PTGR1: variants seen among roughly 807,000 people sequenced by gnomAD.
PTGR1 encodes 15-oxoprostaglandin 13-reductase.
In PTGR1, 23 loss-of-function variants were observed where a neutral mutation model predicts 37.7. The observed-to-expected ratio is 0.61, with a 90% CI of 0.44 to 0.86. PTGR1 has a LOEUF of 0.86. Ranked by LOEUF, PTGR1 falls within the 40% of genes least tolerant of loss-of-function variation. The probability of loss-of-function intolerance (pLI) is 0.00; values close to 1 mark genes in which losing one functional copy is unlikely to be tolerated. For missense variants in PTGR1, 351 were observed against 394.3 expected, an observed-to-expected ratio of 0.89 and a Z score of 0.93; for synonymous variants, 134 against 140.0, an observed-to-expected ratio of 0.96 and a Z score of 0.30.
In PTGR1 at chr9:111,573,416, C is replaced by A. The variant is rs541783092; in HGVS notation, c.760+1318G>T. 3.0e-4 allele frequency among the ~76,000 whole-genome samples: 46 copies of A among 152,326 alleles called. No individual in the cohort carries two copies. The South Asian group carries it at 9.5e-3, about 32-fold the overall frequency. Reference sequence around the variant, plus strand: ...TCAGCCCCTTCCTTTCTAGCCCCCCCATCTCCATACAGTTGTGTGGTGGTT... The same window carrying A: ...TCAGCCCCTTCCTTTCTAGCCCCCCAATCTCCATACAGTTGTGTGGTGGTT... On this transcript the variant is annotated intron_variant, in intron 8 of 9. Transcript: ENST00000407693.
chr9:111,574,676 T>C (rs1828977622), intron 8 of PTGR1, 58 bp downstream of exon 8: 1 of 1,226,702 alleles, frequency 8.2e-7, no homozygotes. Context: ...GGCATATCTG[T>C]GAATTTTCTC....
chr9:111,595,431 A>C (rs916580998), intron 2 of PTGR1, among the ~76,000 whole-genome samples: 1 of 152,144 alleles, frequency 6.6e-6, no homozygotes, highest in Non-Finnish European at 1.5e-5. Flanking sequence ...TGCTCACCAT[A>C]TGGCTTCATC....
intron 2 of PTGR1, 109 bp downstream of exon 2, chr9:111,597,208 A>T: frequency 2.4e-6 from 2 of 825,126 alleles, no homozygotes; most frequent in Non-Finnish European, 1.9e-6. Flanking sequence ...ATTGTGAACT[A>T]ATAAACCGTT....
In PTGR1 at chr9:111,591,795, C is replaced by T. The variant is rs373018243; in HGVS notation, c.209+1131G>A. ...TTTACAATAATCATTGTAGGCAGAC[C>T]CCCTGAAACTATTGCTACGGAATAA... On this transcript the variant is annotated intron_variant, in intron 4 of 9. Coordinates refer to ENST00000407693, the MANE Select transcript of PTGR1 (RefSeq NM_001146108.2). Among the ~76,000 whole-genome samples the T allele has an allele frequency of 2.5e-4, 38 of 152,048 alleles. No homozygotes were observed. In the South Asian group the frequency reaches 7.7e-3, roughly 31 times the overall value.
chr9:111,559,410 G>A (rs1192438167), downstream of PTGR1, among the ~76,000 whole-genome samples: 4 of 151,810 alleles, frequency 2.6e-5, no homozygotes, highest in Non-Finnish European at 5.9e-5. Flanking sequence ...CCCTCAATCA[G>A]GCCCTGCTGC....
rs1302441991 is a variant in PTGR1, at chr9:111,583,542, C to T, written c.425G>A (p.Gly142Glu). Residue 142 changes from glycine to glutamate, a missense_variant, in exon 6 of 10, where the codon GGA (glycine) becomes GAA (glutamate). Gly to Glu is a moderately conservative substitution (Grantham distance 98). Coordinates refer to ENST00000407693, the MANE Select transcript of PTGR1 (RefSeq NM_001146108.2). ...GLLEICGVKG[G>E]ETVMVNAAAG... ...TGCTGCATTAACCATCACTGTTTCT[C>T]CACCCTTCACACCACAGATTTCAAG... 1 of 1,614,084 alleles carries T rather than the reference C, an allele frequency of 6.2e-7. No homozygotes were observed. The highest frequency in any genetic ancestry group is 8.5e-7 in the Non-Finnish European group (1 of 1,179,934).
At chr9:111,587,155 C>G (rs1589316469) in intron 4 of PTGR1, among the ~76,000 whole-genome samples, 1 of 152,082 alleles carries the variant, frequency 6.6e-6, no homozygotes, top group East Asian at 1.9e-4. Flanking sequence ...ACCCAAAAGT[C>G]TTCCCTCATT....
chr9:111,596,698 G>T (rs1265577598), intron 2 of PTGR1, among the ~76,000 whole-genome samples: 1 of 151,798 alleles, frequency 6.6e-6, no homozygotes, highest in Non-Finnish European at 1.5e-5. Flanking sequence ...GGAGGCAAAG[G>T]TTGCAGTGAG....
intron 9 of PTGR1, among the ~76,000 whole-genome samples, chr9:111,555,050 C>T (rs1828081706): frequency 6.6e-6 from 1 of 152,138 alleles, no homozygotes; most frequent in Non-Finnish European, 1.5e-5. Flanking sequence ...GCCTGGCTAC[C>T]ATTACTGGCG....
In PTGR1 at chr9:111,592,982, T is replaced by C; in HGVS notation, c.153A>G (p.Arg51=). 1 of 746,178 alleles carries C rather than the reference T, an allele frequency of 1.3e-6. No homozygotes were observed. The highest frequency in any genetic ancestry group is 1.9e-6 in the Non-Finnish European group (1 of 534,242). 46.2% of individuals were successfully genotyped at this position (746,178 alleles called of 1,614,324 possible). A position where few individuals can be genotyped will look rare whatever the true frequency, so the allele number is the denominator to read the frequency against. The change falls in exon 4 of 10, where the codon AGA becomes AGG. Residue 51 remains arginine, a splice_region_variant and synonymous_variant. Transcript: ENST00000407693. ...CTTCCTTCAATCTTTTGGCTGCCACTCTGCAAAAAAAAAAAAAAAAAAAAA... is the reference window on the plus strand; with the variant it reads ...CTTCCTTCAATCTTTTGGCTGCCACCCTGCAAAAAAAAAAAAAAAAAAAAA... ...ALFLTVDPYM[R]VAAKRLKEGD...
At chr9:111,570,342 C>T in intron 8 of PTGR1, 133 bp from the exon 9 acceptor site, 2 of 1,393,114 alleles carry the variant, frequency 1.4e-6, no homozygotes, top group African/African-American at 1.5e-5. Flanking sequence ...TTTCCTCACT[C>T]CTTTCTGATC....
rs1828111885 is a variant in PTGR1 at position 111,556,037 on chromosome 9, CAAGT to C, written c.880-6242_880-6239del. Among the ~76,000 whole-genome samples the C allele has an allele frequency of 3.3e-5, 5 of 152,204 alleles. No homozygotes were observed. The South Asian group carries it at 1.0e-3, about 32-fold the overall frequency. On this transcript the variant is annotated intron_variant, in intron 9 of 9. Coordinates refer to the PTGR1 transcript ENST00000538962. Reference sequence around the variant, plus strand: ...AGCCTGTAAAATCACAAGTCAAAAACAAGTTAGTTACTTCCAAGATAGAACAGGG... The same window carrying C: ...AGCCTGTAAAATCACAAGTCAAAAACTAGTTACTTCCAAGATAGAACAGGG...
chr9:111,550,416 A>G (rs1040758610), intron 9 of PTGR1, among the ~76,000 whole-genome samples: 5 of 152,180 alleles, frequency 3.3e-5, no homozygotes, highest in African/African-American at 4.8e-5. Context: ...GGCTGCAGCA[A>G]GCTGACCCAG....
intron 4 of PTGR1, among the ~76,000 whole-genome samples, chr9:111,587,700 T>A (rs1484179643): frequency 2.0e-5 from 3 of 152,220 alleles, no homozygotes; most frequent in African/African-American, 7.2e-5. Flanking sequence ...TCCGTCTGCC[T>A]CAGCCTCCCA....
intron 4 of PTGR1, among the ~76,000 whole-genome samples, chr9:111,586,619 G>T (rs1227159545): frequency 6.6e-6 from 1 of 151,636 alleles, no homozygotes; most frequent in Admixed American, 6.6e-5. Flanking sequence ...CTAGCTCCTT[G>T]CCCCTTCGTC....
In PTGR1 at chr9:111,562,874, C is replaced by A; in HGVS notation, c.*247G>T. On this transcript the variant is annotated 3_prime_UTR_variant, in exon 10 of 10. Coordinates refer to ENST00000407693, the MANE Select transcript of PTGR1 (RefSeq NM_001146108.2). Reference sequence around the variant, plus strand: ...TTTGGAAAATTTTCACACTTCAAAGCCATTATTTTCTACCACAACTCAGAA... The same window carrying A: ...TTTGGAAAATTTTCACACTTCAAAGACATTATTTTCTACCACAACTCAGAA... The A allele has an allele frequency of 8.7e-7, 1 of 1,147,316 alleles. No individual in the cohort carries two copies. The highest frequency in any genetic ancestry group is 1.1e-6 in the Non-Finnish European group (1 of 892,168). 71.1% of individuals were successfully genotyped at this position (1,147,316 alleles called of 1,614,324 possible).
At chr9:111,597,280 T>A (rs766150463) in intron 2 of PTGR1, 37 bp downstream of exon 2, 1 of 1,467,928 alleles carries the variant, frequency 6.8e-7, no homozygotes, top group South Asian at 1.2e-5. Flanking sequence ...ACTGATACAG[T>A]CCCTTCCAAC....
At chr9:111,592,835 A>C in intron 4 of PTGR1, 91 bp downstream of exon 4, 1 of 1,519,752 alleles carries the variant, frequency 6.6e-7, no homozygotes, top group Non-Finnish European at 8.9e-7. Flanking sequence ...TAGGCTGAAG[A>C]AATTGTAGGA....
intron 8 of PTGR1, among the ~76,000 whole-genome samples, chr9:111,571,075 C>T (rs984711263): frequency 1.5e-5 from 2 of 132,836 alleles, no homozygotes; most frequent in Non-Finnish European, 3.4e-5. Flanking sequence ...AGAAGGAATG[C>T]AGCCCTGCCA....
Sources: gnomAD v4.1 joint callset for allele counts (sites outside exome capture counted in the v4.1 genomes callset) on GRCh38, gnomAD v4.1.1 for gene constraint, MANE v1.5 for transcripts, NCBI Gene and HGNC (gene_info 2026-07-23, HGNC 2026-07-21) for gene names.